Variants in NALF1 observed in about 807,000 individuals in gnomAD.
NALF1 encodes NALCN channel auxiliary factor 1.
In NALF1, 3 loss-of-function variants were observed where a neutral mutation model predicts 48.4. That is an observed-to-expected ratio of 0.06 (90% confidence interval 0.03 to 0.16). The LOEUF (loss-of-function observed/expected upper bound fraction) is 0.16, where lower values mean the gene tolerates loss of function less well. Ranked by LOEUF, NALF1 falls within the 10% of genes least tolerant of loss-of-function variation. The pLI, the probability that NALF1 is intolerant of heterozygous loss-of-function variation, is 1.00. For missense variants in NALF1, 526 were observed against 571.5 expected (o/e 0.92, Z 0.81); for synonymous variants, 262 against 245.7 (o/e 1.07, Z -0.62).
chr13:107,287,290 A>G (rs1450889534), intron 1 of NALF1, among the ~76,000 whole-genome samples: 1 of 152,226 alleles, frequency 6.6e-6, no homozygotes, highest in Non-Finnish European at 1.5e-5. Context: ...CATCACAAGC[A>G]TATACAATGC....
At chr13:107,267,157 C>T (rs953729485) in intron 1 of NALF1, among the ~76,000 whole-genome samples, 1 of 152,162 alleles carries the variant, frequency 6.6e-6, no homozygotes, top group Non-Finnish European at 1.5e-5. Context: ...ATTTTGTTTT[C>T]CCTCAAAATA....
chr13:107,663,587 A>G (rs1880782888), intron 1 of NALF1, among the ~76,000 whole-genome samples: 1 of 152,194 alleles, frequency 6.6e-6, no homozygotes, highest in Non-Finnish European at 1.5e-5. Context: ...AATATCTCAT[A>G]CCACAGTTAA....
At chr13:107,280,022 G>C (rs930015345) in intron 1 of NALF1, among the ~76,000 whole-genome samples, 1 of 151,776 alleles carries the variant, frequency 6.6e-6, no homozygotes, top group South Asian at 2.1e-4. Flanking sequence ...GAACTCGTGA[G>C]CTCAACCGAT....
At chr13:107,225,828 C>T (rs79373230) in intron 1 of NALF1, among the ~76,000 whole-genome samples, 5,209 of 152,094 alleles carry the variant, frequency 0.034, 135 homozygotes, top group South Asian at 0.08. Context: ...CACACACGCA[C>T]GCACACACAC....
intron 1 of NALF1, among the ~76,000 whole-genome samples, chr13:107,398,448 A>G (rs1388055767): frequency 6.6e-6 from 1 of 151,986 alleles, no homozygotes; most frequent in African/African-American, 2.4e-5. Flanking sequence ...GCTCAAGGAT[A>G]TGTATGTGCT....
chr13:107,528,161 G>A (rs994780476), intron 1 of NALF1, among the ~76,000 whole-genome samples: 1 of 152,012 alleles, frequency 6.6e-6, no homozygotes, highest in Non-Finnish European at 1.5e-5. Context: ...AATCTGGACA[G>A]TAATACCATA....
chr13:107,180,692 T>G (rs1879043052), intron 2 of NALF1, among the ~76,000 whole-genome samples: 3 of 151,846 alleles, frequency 2.0e-5, no homozygotes. Flanking sequence ...ATATTTAATG[T>G]GAAATTGTAG....
chr13:107,738,139 T>C (rs1273425163), intron 1 of NALF1, among the ~76,000 whole-genome samples: 3 of 152,188 alleles, frequency 2.0e-5, no homozygotes, highest in African/African-American at 7.2e-5. Flanking sequence ...CTCATTTAAG[T>C]GTTTATTTCT....
At position 107,630,915 on chromosome 13, in the gene NALF1, G is replaced by T. The variant is rs550297070; in HGVS notation, c.915+234767C>A. ...AATCTTCTAGCCTTTTTAATCTAGG[G>T]ACCTAAATGTGTAAATATAGTAGTC... On this transcript the variant is annotated intron_variant, in intron 1 of 2. Coordinates refer to ENST00000375915, the MANE Select transcript of NALF1 (RefSeq NM_001080396.3). Among the ~76,000 whole-genome samples the T allele has an allele frequency of 2.2e-4, 34 of 152,218 alleles. No homozygotes were observed. The South Asian group carries it at 6.9e-3, about 31-fold the overall frequency.
At chr13:107,448,935 A>G (rs1884696238) in intron 1 of NALF1, among the ~76,000 whole-genome samples, 1 of 152,148 alleles carries the variant, frequency 6.6e-6, no homozygotes, top group Non-Finnish European at 1.5e-5. Flanking sequence ...TGCAGAGCAG[A>G]GCTATGCTGT....
chr13:107,562,785 A>G lies in NALF1; in HGVS notation c.915+302897T>C, dbSNP rs9555370. 0.025 allele frequency among the ~76,000 whole-genome samples: 3,804 copies of G among 152,314 alleles called. 400 individuals are homozygous for G. In the East Asian group the frequency reaches 0.37, roughly 15 times the overall value. ...AAATTAAATGTGGTTCTTAACATGA[A>G]GGAGTACCATGCAATAATCTGATGA... On this transcript the variant is annotated intron_variant, in intron 1 of 2. Transcript: ENST00000375915.
chr13:107,488,107 G>A (rs1924442), intron 1 of NALF1, among the ~76,000 whole-genome samples: 49,262 of 151,384 alleles, frequency 0.33, 9,414 homozygotes, highest in Middle Eastern at 0.45. Flanking sequence ...TGTGGGGTCA[G>A]CTGTAATATC....
At chr13:107,612,128 AG>A (rs1879246698) in intron 1 of NALF1, among the ~76,000 whole-genome samples, 1 of 18,732 alleles carries the variant, frequency 5.3e-5, no homozygotes, top group Non-Finnish European at 8.9e-5. Flanking sequence ...GGGGGAGGGG[AG>A]GAGGAGTGGG....
At chr13:107,648,588 T>A (rs1236600066) in intron 1 of NALF1, among the ~76,000 whole-genome samples, 1 of 152,176 alleles carries the variant, frequency 6.6e-6, no homozygotes, top group African/African-American at 2.4e-5. Context: ...TCACCTATTG[T>A]AGGACATCTT....
At position 107,345,838 on chromosome 13, in the gene NALF1, C is replaced by A. The variant is rs547982194; in HGVS notation, c.916-135083G>T. 4.1e-4 allele frequency among the ~76,000 whole-genome samples: 62 copies of A among 152,228 alleles called. 2 individuals are homozygous for A. The South Asian group carries it at 0.012, about 31-fold the overall frequency. On this transcript the variant is annotated intron_variant, in intron 1 of 2. Transcript: ENST00000375915. The stretch of plus-strand genomic sequence containing the variant: ...ACCTATGGATTGAGAAAAAATATTT[C>A]CAACCCTTTATTGGGTGGAGGGTTA...
intron 1 of NALF1, among the ~76,000 whole-genome samples, chr13:107,727,861 T>C (rs1370289650): frequency 1.3e-5 from 2 of 152,086 alleles, no homozygotes; most frequent in East Asian, 3.9e-4. Flanking sequence ...TATCCAAAAG[T>C]GGGCAAAGGA....
chr13:107,635,680 G>A (rs960569061), intron 1 of NALF1, among the ~76,000 whole-genome samples: 1 of 152,146 alleles, frequency 6.6e-6, no homozygotes, highest in Non-Finnish European at 1.5e-5. Flanking sequence ...TAATTGTAAT[G>A]AACCTGTAGC....
intron 1 of NALF1, among the ~76,000 whole-genome samples, chr13:107,511,349 G>C (rs116712984): frequency 6.6e-6 from 1 of 152,140 alleles, no homozygotes; most frequent in Admixed American, 6.5e-5. Context: ...TCAAATATTA[G>C]ATTTATAGGC....
Position 107,725,494 on chromosome 13 carries a change from A to T in NALF1, c.915+140188T>A, listed in dbSNP as rs1876120974. On this transcript the variant is annotated intron_variant, in intron 1 of 2. Transcript: ENST00000375915. Reference sequence around the variant, plus strand: ...AGACCGAGGTGGGCAGATCACCTGAAGTCAGGAGTTCGAGACCAGCCTGGC... The same window carrying T: ...AGACCGAGGTGGGCAGATCACCTGATGTCAGGAGTTCGAGACCAGCCTGGC... 2.0e-5 allele frequency among the ~76,000 whole-genome samples: 3 copies of T among 152,182 alleles called. No homozygotes were observed. The South Asian group carries it at 6.2e-4, about 31-fold the overall frequency.
Sources: allele counts gnomAD v4.1 joint callset (sites outside exome capture counted in the v4.1 genomes callset), GRCh38; gene constraint gnomAD v4.1.1; transcripts MANE v1.5; gene names NCBI Gene and HGNC (gene_info 2026-07-23, HGNC 2026-07-21).